The following TENT4A variants were observed in gnomAD, a reference collection of about 807,000 sequenced individuals.
TENT4A encodes terminal nucleotidyltransferase 4A.
Under a neutral mutation model 72.8 loss-of-function variants are expected in TENT4A, and 7 were observed. That is an observed-to-expected ratio of 0.10 (90% CI 0.05 to 0.18). TENT4A has a LOEUF of 0.18. TENT4A is among the 10% of genes least tolerant of loss of function. The pLI, the probability that TENT4A is intolerant of heterozygous loss-of-function variation, is 1.00. For missense variants in TENT4A, 831 were observed against 1,017.7 expected (o/e 0.82, Z 2.50); for synonymous variants, 456 against 434.3 (o/e 1.05, Z -0.62).
Position 6,756,435 on chromosome 5 carries a change from C to T in TENT4A, c.*1490C>T, listed in dbSNP as rs1440127382. The T allele has an allele frequency of 6.6e-6, 1 of 152,506 alleles. No individual in the cohort carries two copies. The highest frequency in any genetic ancestry group is 2.4e-5 in the African/African-American group (1 of 41,424). 9.4% of individuals were successfully genotyped at this position (152,506 alleles called of 1,614,324 possible). A position where few individuals can be genotyped will look rare whatever the true frequency, so the allele number is the denominator to read the frequency against. On this transcript the variant is annotated 3_prime_UTR_variant, in exon 13 of 13. Coordinates refer to ENST00000230859, the MANE Select transcript of TENT4A (RefSeq NM_006999.6). ...AATGTCAAGACAAGATACTTATTAC[C>T]ATGACATCTGATGCATGTGCAGCAG...
At chr5:6,718,994 C>T (rs1371179038) in intron 1 of TENT4A, among the ~76,000 whole-genome samples, 3 of 151,762 alleles carry the variant, frequency 2.0e-5, no homozygotes, top group Admixed American at 1.3e-4. Context: ...GCTTAATGCT[C>T]GTGCTGTGGA....
chr5:6,751,299 G>A (rs1742389917), intron 11 of TENT4A, 102 bp downstream of exon 11: 1 of 1,279,612 alleles, frequency 7.8e-7, no homozygotes, highest in Non-Finnish European at 1.1e-6. Flanking sequence ...AATTAGAAGA[G>A]TAACTTTTTG....
chr5:6,723,407 G>C (rs570914361), intron 1 of TENT4A, among the ~76,000 whole-genome samples: 58 of 131,010 alleles, frequency 4.4e-4, no homozygotes, highest in Non-Finnish European at 2.4e-4. Flanking sequence ...CTCGTGTGTG[G>C]GGCTCTTTTG....
intron 11 of TENT4A, 129 bp from the exon 12 acceptor site, chr5:6,752,744 A>C: frequency 2.9e-6 from 2 of 688,666 alleles, no homozygotes; most frequent in Non-Finnish European, 5.0e-6. Flanking sequence ...AGTAAAACAG[A>C]CTGCTCTATG....
intron 8 of TENT4A, among the ~76,000 whole-genome samples, chr5:6,749,308 GC>G (rs1742269224): frequency 6.6e-6 from 1 of 152,196 alleles, no homozygotes; most frequent in Non-Finnish European, 1.5e-5. Flanking sequence ...GGGTGGGAAG[GC>G]CCCGCTCCCC....
At chr5:6,729,851 G>C (rs965561596) in intron 1 of TENT4A, among the ~76,000 whole-genome samples, 2 of 152,194 alleles carry the variant, frequency 1.3e-5, no homozygotes, top group African/African-American at 4.8e-5. Flanking sequence ...GGTGGTACCT[G>C]TGGTGTGGGG....
chr5:6,749,837 C>CAATATAAAGCAATATA (rs1219651575), intron 9 of TENT4A, among the ~76,000 whole-genome samples, 180 bp downstream of exon 9: 1 of 152,164 alleles, frequency 6.6e-6, no homozygotes, highest in East Asian at 1.9e-4. Flanking sequence ...CAATATAATG[C>CAATATAAAGCAATATA]ATGCCACACA....
At chr5:6,716,614 A>G (rs1044384143) in intron 1 of TENT4A, among the ~76,000 whole-genome samples, 2 of 152,064 alleles carry the variant, frequency 1.3e-5, no homozygotes, top group African/African-American at 4.8e-5. Context: ...TCACCCTGTG[A>G]TGTCACCTCC....
At position 6,714,083 on chromosome 5, in the gene TENT4A, G is replaced by A. The variant is rs1485669177; in HGVS notation, c.100G>A (p.Gly34Ser). The A allele has an allele frequency of 3.0e-6, 3 of 989,378 alleles. No individual in the cohort carries two copies. The highest frequency in any genetic ancestry group is 1.8e-5 in the African/African-American group (1 of 56,766). The allele number at this position is 989,378 out of a possible 1,614,324, so 61.3% of individuals were successfully genotyped here. The change falls in exon 1 of 13, where the codon GGC becomes AGC. Residue 34 changes from glycine (G) to serine (S), a missense_variant. Around this residue, in one of 3 missense-constraint regions of TENT4A, gnomAD observed 302 missense variants for 293.8 expected, o/e 1.03. Transcript: ENST00000230859. ...WETSQGVGRG[G>S]SGFASYFCLN... ...GACCTCGCAGGGCGTGGGCCGCGGC[G>A]GCTCGGGCTTCGCGTCCTATTTCTG...
chr5:6,729,263 A>G (rs1259403143), intron 1 of TENT4A, among the ~76,000 whole-genome samples: 1 of 152,236 alleles, frequency 6.6e-6, no homozygotes, highest in African/African-American at 2.4e-5. Flanking sequence ...CAAAATGAAA[A>G]TAGTAATATT....
At chr5:6,717,430 G>C (rs1206537018) in intron 1 of TENT4A, among the ~76,000 whole-genome samples, 1 of 152,260 alleles carries the variant, frequency 6.6e-6, no homozygotes, top group Admixed American at 6.5e-5. Context: ...GGTAGCCCAT[G>C]TGGCAACCCT....
intron 1 of TENT4A, among the ~76,000 whole-genome samples, chr5:6,730,651 G>A (rs760175641): frequency 2.0e-5 from 3 of 152,070 alleles, no homozygotes; most frequent in Admixed American, 6.6e-5. Flanking sequence ...TGCCCAGAGT[G>A]GGCGGAACTG....
intron 8 of TENT4A, among the ~76,000 whole-genome samples, chr5:6,749,068 A>T (rs184701751): frequency 4.7e-4 from 71 of 152,322 alleles, no homozygotes; most frequent in African/African-American, 1.7e-3. Context: ...AATTCGAAAC[A>T]GTTTGATAGA....
intron 8 of TENT4A, 58 bp downstream of exon 8, chr5:6,748,648 C>T: frequency 6.5e-7 from 1 of 1,538,516 alleles, no homozygotes; most frequent in Non-Finnish European, 8.9e-7. Context: ...GTACTTATCC[C>T]TTTCCTGTGT....
chr5:6,735,167 G>C (rs1741416978), intron 1 of TENT4A, among the ~76,000 whole-genome samples: 1 of 152,200 alleles, frequency 6.6e-6, no homozygotes, highest in African/African-American at 2.4e-5. Flanking sequence ...GGGGGATGTG[G>C]ATAGAATTTT....
intron 1 of TENT4A, among the ~76,000 whole-genome samples, chr5:6,715,856 A>C (rs1414468458): frequency 6.6e-6 from 1 of 152,236 alleles, no homozygotes; most frequent in Non-Finnish European, 1.5e-5. Flanking sequence ...AAGTGTAAAC[A>C]TGCAGTGCAG....
intron 11 of TENT4A, 88 bp downstream of exon 11, chr5:6,751,285 T>A: frequency 7.4e-7 from 1 of 1,358,300 alleles, no homozygotes; most frequent in Non-Finnish European, 1.0e-6. Context: ...TTGATGGTCC[T>A]TTGAATTAGA....
chr5:6,747,502 C>T (rs960413819), intron 7 of TENT4A, among the ~76,000 whole-genome samples: 4 of 151,954 alleles, frequency 2.6e-5, no homozygotes, highest in East Asian at 1.9e-4. Flanking sequence ...TCCTAAAGAT[C>T]GTCTCAAGGA....
intron 4 of TENT4A, among the ~76,000 whole-genome samples, chr5:6,741,981 A>G (rs543242315): frequency 6.6e-6 from 1 of 152,352 alleles, no homozygotes; most frequent in East Asian, 1.9e-4. Flanking sequence ...AATATTTCTA[A>G]AATAGCCTTT....
Sources: gnomAD v4.1 joint callset for allele counts (sites outside exome capture counted in the v4.1 genomes callset) on GRCh38, gnomAD v4.1.1 for gene constraint, gnomAD v4.1.1 regional missense constraint, MANE v1.5 for transcripts, NCBI Gene and HGNC (gene_info 2026-07-23, HGNC 2026-07-21) for gene names.